Variants in ASPM observed in about 807,000 individuals in gnomAD.
ASPM encodes assembly factor for spindle microtubules.
ASPM carries 256 observed loss-of-function variants against 366.4 expected under a neutral mutation model. The observed-to-expected ratio is 0.70, with a 90% CI of 0.63 to 0.77. ASPM has a LOEUF of 0.77. ASPM is among the 30% of genes least tolerant of loss of function. The pLI is 0.00. For missense variants in ASPM, 4,146 were observed against 4,090.4 expected (o/e 1.01, Z -0.37); for synonymous variants, 1,414 against 1,342.9 (o/e 1.05, Z -1.16).
chr1:197,124,970 G>A lies in ASPM; in HGVS notation c.3083-15C>T. On this transcript the variant is annotated splice_polypyrimidine_tract_variant and intron_variant, in intron 11 of 27. Coordinates refer to ENST00000367409, the MANE Select transcript of ASPM (RefSeq NM_018136.5). ...AATTGTATTTCCTATAAAAGAAAAG[G>A]TTGTCCATTAGCATAATGTACGCAC... The A allele has an allele frequency of 6.2e-7, 1 of 1,608,124 alleles. No individual in the cohort carries two copies. Among genetic ancestry groups the A allele is most frequent in the Non-Finnish European group, 8.5e-7 (1 of 1,174,652 alleles).
intron 27 of ASPM, among the ~76,000 whole-genome samples, chr1:197,086,345 T>A (rs1457545947): frequency 6.6e-6 from 1 of 152,024 alleles, no homozygotes; most frequent in Non-Finnish European, 1.5e-5. Flanking sequence ...TTCACCAAAA[T>A]AAATTAAATC....
At position 197,122,503 on chromosome 1, in the gene ASPM, T is replaced by TA; in HGVS notation, c.3482dup (p.Cys1162MetfsTer23). 2 of 1,613,562 alleles carry TA rather than the reference T, an allele frequency of 1.2e-6. No homozygotes were observed. Among genetic ancestry groups the TA allele is most frequent in the Non-Finnish European group, 1.7e-6 (2 of 1,179,662 alleles). ...CCACAGTTTGAGTAGTACGCTGACA[T>TA]ATAGCGTCAAATGGCACATAGCAAG... On this transcript the variant is annotated frameshift_variant, in exon 14 of 28. Transcript: ENST00000367409. LOFTEE classifies it high-confidence loss of function.
chr1:197,138,579 T>A (rs1041842786), intron 4 of ASPM, among the ~76,000 whole-genome samples: 39 of 152,186 alleles, frequency 2.6e-4, no homozygotes, highest in African/African-American at 9.2e-4. Flanking sequence ...ATCACAGGCA[T>A]GAGCCACCAC....
chr1:197,102,495 T>C lies in ASPM; in HGVS notation c.6756A>G (p.Gly2252=). 6.2e-7 allele frequency: 1 copy of C among 1,612,722 alleles called. No homozygotes were observed. Among genetic ancestry groups the C allele is most frequent in the Non-Finnish European group, 8.5e-7 (1 of 1,179,272 alleles). Residue 2252 remains glycine, a synonymous_variant, in exon 18 of 28, where the codon GGA becomes GGG. Coordinates refer to ENST00000367409, the MANE Select transcript of ASPM (RefSeq NM_018136.5). Reference sequence around the variant, plus strand: ...TTTTTAAATGTCTTCTAGCTTTCTTTCCCCTAAAAATAGCCTGAATGTATA... The same window carrying C: ...TTTTTAAATGTCTTCTAGCTTTCTTCCCCCTAAAAATAGCCTGAATGTATA... ...SVIYIQAIFR[G]KKARRHLKMM...
In ASPM at chr1:197,130,176, T is replaced by A. The variant is rs994986983; in HGVS notation, c.2488-120A>T. ...GCAATGTTCTACTTTCTAAATGACATGGTTATTTGCTAAATAACTTCTTTA... is the reference window on the plus strand; with the variant it reads ...GCAATGTTCTACTTTCTAAATGACAAGGTTATTTGCTAAATAACTTCTTTA... On this transcript the variant is annotated intron_variant, in intron 7 of 27. Transcript: ENST00000367409. 4.8e-6 allele frequency: 5 copies of A among 1,042,294 alleles called. No homozygotes were observed. In the African/African-American group the frequency reaches 7.9e-5, roughly 17 times the overall value. 64.6% of individuals were successfully genotyped at this position (1,042,294 alleles called of 1,614,324 possible). A position where few individuals can be genotyped will look rare whatever the true frequency, so the allele number is the denominator to read the frequency against.
chr1:197,134,251 A>AAT (rs67280729), intron 5 of ASPM, among the ~76,000 whole-genome samples: 898 of 30,550 alleles, frequency 0.029, 16 homozygotes, highest in African/African-American at 0.039. Flanking sequence ...AAAAAATAAT[A>AAT]AAAAAAAAAA....
intron 8 of ASPM, among the ~76,000 whole-genome samples, 174 bp downstream of exon 8, chr1:197,129,741 T>C (rs148739741): frequency 4.1e-4 from 62 of 152,096 alleles, no homozygotes; most frequent in African/African-American, 1.4e-3. Flanking sequence ...GAATTATAAA[T>C]AGTGATGGAG....
At chr1:197,119,797 T>C (rs1391034510) in intron 16 of ASPM, among the ~76,000 whole-genome samples, 40 of 152,154 alleles carry the variant, frequency 2.6e-4, no homozygotes, top group Non-Finnish European at 1.5e-5. Context: ...GATGCTTCAA[T>C]AGTTCATCAG....
chr1:197,124,064 A>G, intron 13 of ASPM, 46 bp downstream of exon 13: 13 of 1,500,864 alleles, frequency 8.7e-6, no homozygotes, highest in Non-Finnish European at 1.2e-5. Context: ...TTTCATCAAA[A>G]TTTATTAAAA....
Position 197,102,704 on chromosome 1 carries a change from T to C in ASPM, c.6547A>G (p.Arg2183Gly). 6.2e-7 allele frequency: 1 copy of C among 1,612,742 alleles called. No individual in the cohort carries two copies. The highest frequency in any genetic ancestry group is 8.5e-7 in the Non-Finnish European group (1 of 1,179,256). The change falls in exon 18 of 28, where the codon AGA (arginine) becomes GGA (glycine). Residue 2183 changes from arginine (R) to glycine (G), a missense_variant. Arg to Gly is a moderately radical substitution (Grantham distance 125, BLOSUM62 -2). This residue lies in a region of ASPM where 3,624 missense variants were observed against 3,591.7 expected (regional missense o/e 1.01). Coordinates refer to ENST00000367409, the MANE Select transcript of ASPM (RefSeq NM_018136.5). ...LQASFRGVRV[R>G]RTLRKMQTAA... Reference sequence around the variant, plus strand: ...GTCTGCATCTTTCTAAGAGTCCGTCTAACTCTTACTCCTCTAAAACTTGCC... The same window carrying C: ...GTCTGCATCTTTCTAAGAGTCCGTCCAACTCTTACTCCTCTAAAACTTGCC...
chr1:197,101,100 AACC>A lies in ASPM; in HGVS notation c.8148_8150del (p.Val2717del). 6.2e-7 allele frequency: 1 copy of A among 1,612,020 alleles called. No individual in the cohort carries two copies. The highest frequency in any genetic ancestry group is 8.5e-7 in the Non-Finnish European group (1 of 1,178,892). ...CATACAACCTATAATAATTCTGTAT[AACC>A]ACAATTGCAGTTTTCTTTGTTTCAT... On this transcript the variant is annotated inframe_deletion, in exon 18 of 28. Coordinates refer to ENST00000367409, the MANE Select transcript of ASPM (RefSeq NM_018136.5).
intron 9 of ASPM, 69 bp from the exon 10 acceptor site, chr1:197,128,734 T>C: frequency 8.2e-7 from 1 of 1,223,514 alleles, no homozygotes; most frequent in Middle Eastern, 2.1e-4. Context: ...AAACAAATCC[T>C]CCAAATCATT....
In ASPM at chr1:197,128,549, A is replaced by G; in HGVS notation, c.2877T>C (p.Asp959=). Residue 959 remains aspartate, a synonymous_variant, in exon 10 of 28, where the codon GAT becomes GAC. Transcript: ENST00000367409. ...GATTTGTAACGGCAAAATCAAATTC[A>G]TCAAATGGTGTCTGAACATGGTTAA... The part of the protein sequence containing the change: ...LPVNHVQTPF[D]EFDFAVTNLA... The G allele has an allele frequency of 6.2e-7, 1 of 1,613,978 alleles. No individual in the cohort carries two copies. The highest frequency in any genetic ancestry group is 8.5e-7 in the Non-Finnish European group (1 of 1,179,838).
At position 197,102,043 on chromosome 1, in the gene ASPM, T is replaced by C. The variant is rs781146804; in HGVS notation, c.7208A>G (p.His2403Arg). 3.1e-6 allele frequency: 5 copies of C among 1,612,978 alleles called. No individual in the cohort carries two copies. In the South Asian group the frequency reaches 5.5e-5, roughly 18 times the overall value. The change falls in exon 18 of 28, where the codon CAT (histidine) becomes CGT (arginine). Residue 2403 changes from histidine (H) to arginine (R), a missense_variant. His to Arg is a conservative substitution (Grantham distance 29). This residue lies in a region of ASPM where 3,624 missense variants were observed against 3,591.7 expected (regional missense o/e 1.01). Coordinates refer to ENST00000367409, the MANE Select transcript of ASPM (RefSeq NM_018136.5). Reference protein sequence around the residue: ...AAFRGMKTRRHLKSMHSSATL... With the variant: ...AAFRGMKTRRRLKSMHSSATL... Reference sequence around the variant, plus strand: ...TGCAGAGGAATGCATACTCTTCAAATGTCTTCTAGTTTTCATACCCCTGAA... The same window carrying C: ...TGCAGAGGAATGCATACTCTTCAAACGTCTTCTAGTTTTCATACCCCTGAA...
In ASPM at chr1:197,124,131, A is replaced by G. The variant is rs1298092687; in HGVS notation, c.3369T>C (p.Val1123=). 2 of 1,611,504 alleles carry G rather than the reference A, an allele frequency of 1.2e-6. No homozygotes were observed. The highest frequency in any genetic ancestry group is 2.7e-5 in the African/African-American group (2 of 74,852). The change falls in exon 13 of 28, where the codon GTT becomes GTC. Residue 1123 remains valine, a synonymous_variant. Transcript: ENST00000367409. ...TTACCTTTTTATTATAGAAGGCACA[A>G]ACAGCATTTACCCAATCCATCAATA... is the stretch of plus-strand genomic sequence containing the variant. ...IKLLMDWVNA[V]CAFYNKKVEN... is the part of the protein sequence containing the mutation.
chr1:197,141,640 T>G (rs1387689711), intron 3 of ASPM, among the ~76,000 whole-genome samples: 1 of 152,164 alleles, frequency 6.6e-6, no homozygotes, highest in Non-Finnish European at 1.5e-5. Flanking sequence ...CATCTCATAC[T>G]TCCTTGCAAT....
intron 3 of ASPM, among the ~76,000 whole-genome samples, chr1:197,141,993 G>C (rs988259913): frequency 1.3e-5 from 2 of 152,144 alleles, no homozygotes; most frequent in Non-Finnish European, 2.9e-5. Context: ...GTAGGTGTGA[G>C]TGTCGACCTT....
In ASPM at chr1:197,104,874, T is replaced by C. The variant is rs771473808; in HGVS notation, c.4377A>G (p.Arg1459=). The C allele has an allele frequency of 6.2e-7, 1 of 1,604,210 alleles. No homozygotes were observed. The change falls in exon 18 of 28, where the codon AGA becomes AGG. Residue 1459 remains arginine, a synonymous_variant. Transcript: ENST00000367409. ...CAGAATTTTCTTCTTTAGCTTGTTT[T>C]CTTAAATGCCATTCTCTAAAAGCTC... ...LQRAFREWHL[R]KQAKEENSAI...
At chr1:197,127,299 C>T (rs7520177) in intron 10 of ASPM, among the ~76,000 whole-genome samples, 152,361 of 152,362 alleles carry the variant, frequency 1, 76,180 homozygotes, top group Non-Finnish European at 1. Context: ...AGCTACAATA[C>T]AAGCAATTTA....
Sources: gnomAD v4.1 joint callset for allele counts (sites outside exome capture counted in the v4.1 genomes callset) on GRCh38, gnomAD v4.1.1 for gene constraint, gnomAD v4.1.1 regional missense constraint, MANE v1.5 for transcripts, NCBI Gene and HGNC (gene_info 2026-07-23, HGNC 2026-07-21) for gene names.